The following ZNF25 variants were observed in gnomAD, a reference collection of about 807,000 sequenced individuals.
The protein encoded by ZNF25 is zinc finger protein 25.
ZNF25 carries 21 observed loss-of-function variants against 30.9 expected under a neutral mutation model. The observed-to-expected ratio is 0.68, with a 90% CI of 0.48 to 0.98. The LOEUF is 0.98. Ranked by LOEUF, ZNF25 falls within the 50% of genes least tolerant of loss-of-function variation. ZNF25 has a pLI of 0.00. For missense variants in ZNF25, 501 were observed against 529.9 expected, an observed-to-expected ratio of 0.95 and a Z score of 0.54; for synonymous variants, 169 against 181.3, an observed-to-expected ratio of 0.93 and a Z score of 0.55.
chr10:37,962,357 A>T (rs1200390203), intron 2 of ZNF25, among the ~76,000 whole-genome samples: 1 of 152,234 alleles, frequency 6.6e-6, no homozygotes, highest in Non-Finnish European at 1.5e-5. Context: ...GAGAAGGAAA[A>T]GACTATTTTG....
Position 37,952,503 on chromosome 10 carries a change from T to A in ZNF25, c.995A>T (p.His332Leu), listed in dbSNP as rs779348569. 9.3e-6 allele frequency: 15 copies of A among 1,614,094 alleles called. No individual in the cohort carries two copies. The South Asian group carries it at 1.6e-4, about 18-fold the overall frequency. The change falls in exon 6 of 6, where the codon CAT becomes CTT. Residue 332 changes from histidine to leucine, a missense_variant. Transcript: ENST00000302609. ...CFYQKSALTV[H>L]QRTHTGEKPF... ...TTTCTCCCCTGTGTGAGTTCGCTGA[T>A]GTACTGTGAGGGCTGACTTCTGGTA...
At chr10:37,976,270 A>G (rs985036488) in intron 1 of ZNF25, among the ~76,000 whole-genome samples, 1 of 152,170 alleles carries the variant, frequency 6.6e-6, no homozygotes, top group Admixed American at 6.5e-5. Context: ...CACGTCACAC[A>G]ATGCGGCTGC....
chr10:37,957,848 T>TA (rs887811811), intron 2 of ZNF25, among the ~76,000 whole-genome samples: 1 of 152,280 alleles, frequency 6.6e-6, no homozygotes, highest in South Asian at 2.1e-4. Flanking sequence ...GATGATCCTA[T>TA]AAAAAAATAT....
At position 37,962,453 on chromosome 10, in the gene ZNF25, T is replaced by C. The variant is rs150403546; in HGVS notation, c.16-4907A>G. ...CATCAAATATTCACTGAAAGACCAT[T>C]TTCTGGGCCAGAAAAATATCTTAAA... On this transcript the variant is annotated intron_variant, in intron 2 of 5. Transcript: ENST00000302609. Among the ~76,000 whole-genome samples the C allele has an allele frequency of 1.5e-4, 23 of 152,278 alleles. No homozygotes were observed. In the East Asian group the frequency reaches 4.4e-3, roughly 29 times the overall value.
At chr10:37,970,972 T>A (rs539884002) in intron 2 of ZNF25, among the ~76,000 whole-genome samples, 14 of 152,256 alleles carry the variant, frequency 9.2e-5, no homozygotes, top group African/African-American at 3.4e-4. Context: ...AACATATACC[T>A]CAGAAATACT....
At chr10:37,966,584 C>G (rs1186225307) in intron 2 of ZNF25, among the ~76,000 whole-genome samples, 11 of 152,038 alleles carry the variant, frequency 7.2e-5, no homozygotes, top group Non-Finnish European at 1.2e-4. Flanking sequence ...CATGGCAGAG[C>G]AGGAGATAGA....
chr10:37,974,468 C>T (rs1458730407), intron 1 of ZNF25, among the ~76,000 whole-genome samples: 1 of 152,156 alleles, frequency 6.6e-6, no homozygotes, highest in Non-Finnish European at 1.5e-5. Context: ...TCTGAACAGA[C>T]ATTCCACAAT....
chr10:37,953,503 T>C, intron 5 of ZNF25, 192 bp downstream of exon 5: 1 of 629,368 alleles, frequency 1.6e-6, no homozygotes, highest in Non-Finnish European at 2.7e-6. Flanking sequence ...CACTTCAAAG[T>C]TTCAATCTCC....
intron 4 of ZNF25, among the ~76,000 whole-genome samples, chr10:37,954,512 G>T (rs1211580715): frequency 6.6e-6 from 1 of 152,078 alleles, no homozygotes; most frequent in Non-Finnish European, 1.5e-5. Context: ...ATTCCTAGTT[G>T]TACCACCAGA....
At chr10:37,960,673 G>A (rs973949878) in intron 2 of ZNF25, among the ~76,000 whole-genome samples, 6 of 147,096 alleles carry the variant, frequency 4.1e-5, no homozygotes, top group South Asian at 2.1e-4. Flanking sequence ...ACCAGTATCC[G>A]AGATAATGGC....
At chr10:37,972,291 C>G (rs905944313) in intron 1 of ZNF25, among the ~76,000 whole-genome samples, 1 of 152,152 alleles carries the variant, frequency 6.6e-6, no homozygotes, top group African/African-American at 2.4e-5. Context: ...ACCATTTCTC[C>G]AAGAACCTTC....
intron 2 of ZNF25, among the ~76,000 whole-genome samples, chr10:37,971,315 C>CAAA (rs35376573): frequency 1.5e-5 from 2 of 133,436 alleles, no homozygotes; most frequent in Non-Finnish European, 3.2e-5. Context: ...GACTCCATCT[C>CAAA]AAAAAAAAAA....
At position 37,955,108 on chromosome 10, in the gene ZNF25, C is replaced by T. The variant is rs545779119; in HGVS notation, c.239-1350G>A. 1.4e-3 allele frequency among the ~76,000 whole-genome samples: 219 copies of T among 151,572 alleles called. 2 individuals are homozygous for T. The highest frequency in any genetic ancestry group is 2.0e-3 in the Non-Finnish European group (136 of 67,948). ...GGTGGAGGTTGCAGTGAGCTGAGAT[C>T]GCACCACTGCATGCCAGCCTGCGCA... On this transcript the variant is annotated intron_variant, in intron 4 of 5. Transcript: ENST00000302609.
chr10:37,973,518 T>G (rs1460318448), intron 1 of ZNF25, among the ~76,000 whole-genome samples: 1 of 149,010 alleles, frequency 6.7e-6, no homozygotes, highest in African/African-American at 2.5e-5. Flanking sequence ...ACTCGGGAGG[T>G]TGAGGCAGGA....
intron 2 of ZNF25, among the ~76,000 whole-genome samples, chr10:37,965,748 T>C (rs1320722146): frequency 6.6e-6 from 1 of 152,158 alleles, no homozygotes; most frequent in African/African-American, 2.4e-5. Flanking sequence ...AAGCTGGTAT[T>C]GTGATATTTT....
intron 1 of ZNF25, among the ~76,000 whole-genome samples, chr10:37,974,516 T>C (rs145847920): frequency 1.9e-4 from 29 of 152,154 alleles, no homozygotes; most frequent in African/African-American, 6.0e-4. Context: ...TACGATAAAA[T>C]CTTCAACATC....
intron 2 of ZNF25, among the ~76,000 whole-genome samples, chr10:37,966,125 A>T (rs1408982074): frequency 2.6e-5 from 4 of 152,188 alleles, no homozygotes; most frequent in Non-Finnish European, 5.9e-5. Flanking sequence ...ATTGCTATAA[A>T]GAACTACCTA....
chr10:37,975,733 T>G (rs570368110), intron 1 of ZNF25, among the ~76,000 whole-genome samples: 1 of 152,296 alleles, frequency 6.6e-6, no homozygotes, highest in African/African-American at 2.4e-5. Flanking sequence ...ACTCAAGTGC[T>G]CTGAAGATTC....
rs1041366205 is a variant in ZNF25, at chr10:37,954,132, A to T, written c.239-374T>A. Among the ~76,000 whole-genome samples the T allele has an allele frequency of 3.9e-5, 6 of 152,222 alleles. 1 individual carries two copies. The highest frequency in any genetic ancestry group is 1.4e-4 in the African/African-American group (6 of 41,458). On this transcript the variant is annotated intron_variant, in intron 4 of 5. Coordinates refer to ENST00000302609, the MANE Select transcript of ZNF25 (RefSeq NM_145011.4). Reference sequence around the variant, plus strand: ...CCCTTAAGGACCATGAACAGTAAGCAAGTTAAGAAAAACTACTGGACAACA... The same window carrying T: ...CCCTTAAGGACCATGAACAGTAAGCTAGTTAAGAAAAACTACTGGACAACA...
Sources: gnomAD v4.1 joint callset for allele counts (sites outside exome capture counted in the v4.1 genomes callset) on GRCh38, gnomAD v4.1.1 for gene constraint, MANE v1.5 for transcripts, NCBI Gene and HGNC (gene_info 2026-07-23, HGNC 2026-07-21) for gene names.